The following VAC14 variants were observed in gnomAD, a reference collection of about 807,000 sequenced individuals.
The protein encoded by VAC14 is VAC14 component of PIKFYVE complex.
In VAC14, 47 loss-of-function variants were observed where a neutral mutation model predicts 85.3. That is an observed-to-expected ratio of 0.55 (90% CI 0.44 to 0.70). VAC14 has a LOEUF of 0.70. Ranked by LOEUF, VAC14 falls within the 30% of genes least tolerant of loss-of-function variation. The pLI, the probability that VAC14 is intolerant of heterozygous loss-of-function variation, is 0.00. For missense variants in VAC14, 861 were observed against 1,004.3 expected (o/e 0.86, Z 1.93); for synonymous variants, 447 against 430.5 (o/e 1.04, Z -0.47).
chr16:70,711,472 T>C (rs2054033437), intron 14 of VAC14, among the ~76,000 whole-genome samples: 1 of 151,960 alleles, frequency 6.6e-6, no homozygotes, highest in Admixed American at 6.6e-5. Flanking sequence ...GGCATTTCAC[T>C]GTTTCCCTGC....
chr16:70,783,008 C>A, intron 7 of VAC14, 25 bp downstream of exon 7: 3 of 1,605,844 alleles, frequency 1.9e-6, no homozygotes, highest in Non-Finnish European at 2.6e-6. Flanking sequence ...GCAGCCGTGG[C>A]TGTGGGCCCT....
chr16:70,705,012 T>C (rs781296685), intron 14 of VAC14, among the ~76,000 whole-genome samples: 4 of 152,212 alleles, frequency 2.6e-5, no homozygotes, highest in Non-Finnish European at 5.9e-5. Context: ...CCATCCTCAC[T>C]GTTGGCTGAT....
At chr16:70,709,805 ATGG>A (rs1265963431) in intron 14 of VAC14, among the ~76,000 whole-genome samples, 1 of 152,166 alleles carries the variant, frequency 6.6e-6, no homozygotes, top group Admixed American at 6.5e-5. Flanking sequence ...CCAGGGAGAC[ATGG>A]CCAAGGCTGG....
intron 14 of VAC14, among the ~76,000 whole-genome samples, chr16:70,720,700 C>G (rs772806003): frequency 6.6e-6 from 1 of 152,190 alleles, no homozygotes; most frequent in South Asian, 2.1e-4. Context: ...GATGGTGAAA[C>G]GGAGACACAA....
chr16:70,740,259 C>A (rs117704046), intron 13 of VAC14, among the ~76,000 whole-genome samples: 1 of 152,284 alleles, frequency 6.6e-6, no homozygotes, highest in East Asian at 1.9e-4. Flanking sequence ...ACGTGGCTTA[C>A]GACATGAACA....
At chr16:70,724,696 C>T (rs1035743934) in intron 14 of VAC14, among the ~76,000 whole-genome samples, 2 of 152,224 alleles carry the variant, frequency 1.3e-5, no homozygotes, top group African/African-American at 4.8e-5. Context: ...CACTTCAGCC[C>T]TGGCCCCTGG....
At chr16:70,717,309 G>A (rs2054188049) in intron 14 of VAC14, among the ~76,000 whole-genome samples, 1 of 152,244 alleles carries the variant, frequency 6.6e-6, no homozygotes, top group Admixed American at 6.5e-5. Context: ...GTCCACTAAT[G>A]GGGCAGATGG....
intron 17 of VAC14, among the ~76,000 whole-genome samples, chr16:70,694,558 C>T (rs533550202): frequency 6.6e-6 from 1 of 152,182 alleles, no homozygotes; most frequent in Admixed American, 6.5e-5. Flanking sequence ...ATTCAGGCTC[C>T]AGGGCTCAGG....
chr16:70,753,938 A>G (rs1315878516), intron 12 of VAC14, among the ~76,000 whole-genome samples: 1 of 152,162 alleles, frequency 6.6e-6, no homozygotes, highest in Non-Finnish European at 1.5e-5. Context: ...CTCCTACCCC[A>G]GAGGCCCTGC....
At chr16:70,776,926 G>A (rs562673083) in intron 9 of VAC14, among the ~76,000 whole-genome samples, 6 of 151,698 alleles carry the variant, frequency 4.0e-5, no homozygotes, top group African/African-American at 1.5e-4. Flanking sequence ...TCCTGCCTCA[G>A]CCTCCCAAGT....
At chr16:70,734,898 C>A (rs186731711) in intron 13 of VAC14, among the ~76,000 whole-genome samples, 1 of 152,248 alleles carries the variant, frequency 6.6e-6, no homozygotes, top group Non-Finnish European at 1.5e-5. Context: ...ACATAGCTGG[C>A]GAGTGCTAGA....
chr16:70,729,414 T>C (rs1350538931), intron 14 of VAC14, among the ~76,000 whole-genome samples: 1 of 152,084 alleles, frequency 6.6e-6, no homozygotes. Context: ...AGGCCTGTCC[T>C]CTCCCACAAC....
intron 14 of VAC14, among the ~76,000 whole-genome samples, chr16:70,706,807 T>C (rs370457623): frequency 0.019 from 2,941 of 152,294 alleles, 99 homozygotes; most frequent in African/African-American, 0.067. Flanking sequence ...TTGTTTCCTT[T>C]CTACATTGGA....
intron 1 of VAC14, among the ~76,000 whole-genome samples, chr16:70,799,538 G>C (rs1276069699): frequency 1.3e-5 from 2 of 152,196 alleles, no homozygotes; most frequent in Non-Finnish European, 2.9e-5. Flanking sequence ...GGGCAATTTT[G>C]CTCCTTCAGG....
intron 9 of VAC14, among the ~76,000 whole-genome samples, chr16:70,779,527 G>T (rs2033703297): frequency 6.6e-6 from 1 of 152,060 alleles, no homozygotes; most frequent in Admixed American, 6.5e-5. Context: ...GTCTTGTTTT[G>T]CTGTCTTGCC....
chr16:70,690,138 C>T (rs887073669), intron 18 of VAC14: 9 of 985,502 alleles, frequency 9.1e-6, no homozygotes, highest in East Asian at 1.1e-4. Context: ...CAGGGTTGGT[C>T]GGGGTGGGAA....
At chr16:70,759,774 AC>A (rs1201679838) in intron 12 of VAC14, among the ~76,000 whole-genome samples, 1 of 152,180 alleles carries the variant, frequency 6.6e-6, no homozygotes, top group Non-Finnish European at 1.5e-5. Context: ...GGAAGATACA[AC>A]CACACACAAG....
chr16:70,709,774 T>C (rs1489019384), intron 14 of VAC14, among the ~76,000 whole-genome samples: 1 of 152,186 alleles, frequency 6.6e-6, no homozygotes, highest in Non-Finnish European at 1.5e-5. Context: ...GGGGAGATTT[T>C]AATATAAAGA....
chr16:70,698,525 C>T, intron 15 of VAC14, 112 bp downstream of exon 15: 1 of 1,348,348 alleles, frequency 7.4e-7, no homozygotes, highest in Non-Finnish European at 1.0e-6. Context: ...TCGATTTCAA[C>T]CCCGTCTTCT....
Sources: gnomAD v4.1 joint callset for allele counts (sites outside exome capture counted in the v4.1 genomes callset) on GRCh38, gnomAD v4.1.1 for gene constraint, MANE v1.5 for transcripts, NCBI Gene and HGNC (gene_info 2026-07-23, HGNC 2026-07-21) for gene names.